GSK3B: variants seen among roughly 807,000 people sequenced by gnomAD.
The protein encoded by GSK3B is glycogen synthase kinase-3 beta.
Under a neutral mutation model 56.4 loss-of-function variants are expected in GSK3B, and 15 were observed. That is an observed-to-expected ratio of 0.27 (90% CI 0.18 to 0.41). The LOEUF is 0.41. Among genes scored for constraint, GSK3B ranks in the 10% least tolerant of loss-of-function variants. The pLI, the probability that GSK3B is intolerant of heterozygous loss-of-function variation, is 1.00. For missense variants in GSK3B, 300 were observed against 513.4 expected (o/e 0.58, Z 4.02); for synonymous variants, 181 against 188.9 (o/e 0.96, Z 0.34).
chr3:119,934,289 T>C (rs530516968), intron 3 of GSK3B, among the ~76,000 whole-genome samples: 53 of 152,332 alleles, frequency 3.5e-4, no homozygotes, highest in African/African-American at 1.3e-3. Context: ...ATGTCGACAG[T>C]ATATGTCCTT....
At chr3:119,891,900 T>C (rs9853463) in intron 7 of GSK3B, among the ~76,000 whole-genome samples, 9,427 of 152,220 alleles carry the variant, frequency 0.062, 925 homozygotes, top group African/African-American at 0.21. Context: ...TTTGGGGATG[T>C]TGTTCATCCC....
chr3:119,912,598 T>C (rs1213459707), intron 6 of GSK3B, 106 bp downstream of exon 6: 2 of 491,324 alleles, frequency 4.1e-6, no homozygotes, highest in African/African-American at 3.9e-5. Context: ...CATTATGGGA[T>C]ATATCCATCT....
chr3:119,982,939 G>A (rs964813237), intron 2 of GSK3B, among the ~76,000 whole-genome samples: 4 of 152,120 alleles, frequency 2.6e-5, no homozygotes, highest in Non-Finnish European at 4.4e-5. Context: ...AGGAAAAACT[G>A]TTAAGGGCAG....
intron 1 of GSK3B, among the ~76,000 whole-genome samples, chr3:120,047,442 A>G (rs1161149728): frequency 1.3e-5 from 2 of 152,110 alleles, no homozygotes; most frequent in Non-Finnish European, 1.5e-5. Flanking sequence ...CACACACTAA[A>G]CCCAATGCCA....
intron 4 of GSK3B, among the ~76,000 whole-genome samples, chr3:119,916,715 G>A (rs866883121): frequency 2.6e-5 from 4 of 152,158 alleles, no homozygotes; most frequent in Admixed American, 1.3e-4. Flanking sequence ...AACTCATGTG[G>A]ACTGAGAAAA....
intron 1 of GSK3B, among the ~76,000 whole-genome samples, chr3:120,060,410 A>G (rs2058226790): frequency 6.6e-6 from 1 of 152,198 alleles, no homozygotes; most frequent in Non-Finnish European, 1.5e-5. Context: ...AATTTCTTCA[A>G]TTCTTGAAAA....
At chr3:119,858,678 G>A (rs1389278921) in intron 9 of GSK3B, among the ~76,000 whole-genome samples, 1 of 152,134 alleles carries the variant, frequency 6.6e-6, no homozygotes, top group Non-Finnish European at 1.5e-5. Flanking sequence ...TTGGCAAACT[G>A]TTTAGCACAA....
chr3:119,897,933 T>G (rs931315785), intron 7 of GSK3B, among the ~76,000 whole-genome samples: 12 of 152,024 alleles, frequency 7.9e-5, no homozygotes, highest in Non-Finnish European at 1.3e-4. Flanking sequence ...TCCAAAATAT[T>G]TGCTAAATGA....
At chr3:119,994,541 C>T (rs893391435) in intron 2 of GSK3B, among the ~76,000 whole-genome samples, 7 of 152,186 alleles carry the variant, frequency 4.6e-5, no homozygotes, top group Non-Finnish European at 8.8e-5. Context: ...AGTAAAGAAA[C>T]CTAGCAAACA....
chr3:119,911,453 CAGCTACATT>C (rs1021385094), intron 6 of GSK3B, among the ~76,000 whole-genome samples: 2 of 152,208 alleles, frequency 1.3e-5, no homozygotes, highest in Admixed American at 6.5e-5. Flanking sequence ...TAAAAGTCAC[CAGCTACATT>C]AGGCCCTCAC....
chr3:120,048,785 T>C (rs1559890795), intron 1 of GSK3B, among the ~76,000 whole-genome samples: 1 of 152,232 alleles, frequency 6.6e-6, no homozygotes, highest in Non-Finnish European at 1.5e-5. Context: ...ACTCCATTTC[T>C]GCTCCCATTT....
intron 2 of GSK3B, among the ~76,000 whole-genome samples, chr3:119,962,089 A>G (rs950282723): frequency 9.9e-5 from 15 of 152,200 alleles, no homozygotes; most frequent in Admixed American, 1.3e-4. Flanking sequence ...TGAAAAGCCC[A>G]TAACTGCTGG....
At chr3:119,859,746 G>A (rs1045570328) in intron 9 of GSK3B, among the ~76,000 whole-genome samples, 3 of 151,306 alleles carry the variant, frequency 2.0e-5, no homozygotes, top group East Asian at 1.9e-4. Flanking sequence ...TGCTTTTCTC[G>A]TGTCCAGATA....
intron 9 of GSK3B, among the ~76,000 whole-genome samples, chr3:119,861,391 A>T (rs565903738): frequency 2.6e-5 from 4 of 152,106 alleles, no homozygotes; most frequent in Admixed American, 1.3e-4. Flanking sequence ...GGAGCCTGTA[A>T]TCCCAGCTAC....
At chr3:119,869,562 A>G (rs2056227309) in intron 8 of GSK3B, among the ~76,000 whole-genome samples, 1 of 152,228 alleles carries the variant, frequency 6.6e-6, no homozygotes, top group Non-Finnish European at 1.5e-5. Flanking sequence ...TGACAAATCT[A>G]ACATCCAGTG....
chr3:120,008,897 G>GA (rs1412794044), intron 1 of GSK3B, among the ~76,000 whole-genome samples: 1 of 150,252 alleles, frequency 6.7e-6, no homozygotes, highest in African/African-American at 2.4e-5. Context: ...CACAGCAAAA[G>GA]AAACAGAATG....
intron 6 of GSK3B, among the ~76,000 whole-genome samples, chr3:119,907,243 T>C (rs953364938): frequency 6.6e-6 from 1 of 152,132 alleles, no homozygotes; most frequent in African/African-American, 2.4e-5. Flanking sequence ...TAATACGGAA[T>C]GATTCATCTC....
chr3:119,876,544 T>C (rs753356510), intron 7 of GSK3B, 36 bp from the exon 8 acceptor site: 3 of 1,158,736 alleles, frequency 2.6e-6, no homozygotes, highest in South Asian at 2.5e-5. Flanking sequence ...TCTTTTCCTA[T>C]ATATTTACAA....
At chr3:120,060,930 G>A (rs2058231179) in intron 1 of GSK3B, among the ~76,000 whole-genome samples, 1 of 152,182 alleles carries the variant, frequency 6.6e-6, no homozygotes, top group African/African-American at 2.4e-5. Flanking sequence ...TTATGGTAAT[G>A]CTTCATTGCC....
Sources: gnomAD v4.1 joint callset for allele counts (sites outside exome capture counted in the v4.1 genomes callset) on GRCh38, gnomAD v4.1.1 for gene constraint, MANE v1.5 for transcripts, NCBI Gene and HGNC (gene_info 2026-07-23, HGNC 2026-07-21) for gene names.